The following TTLL7 variants were observed in gnomAD, a reference collection of about 807,000 sequenced individuals.
The protein encoded by TTLL7 is tubulin polyglutamylase TTLL7.
TTLL7 carries 53 observed loss-of-function variants against 120.2 expected under a neutral mutation model. The observed-to-expected ratio is 0.44, with a 90% CI of 0.35 to 0.55. TTLL7 has a LOEUF of 0.55. Among genes scored for constraint, TTLL7 ranks in the 20% least tolerant of loss-of-function variants. The pLI is 0.00. For missense variants in TTLL7, 803 were observed against 1,054.7 expected (o/e 0.76, Z 3.31); for synonymous variants, 353 against 351.7 (o/e 1.00, Z -0.04).
At chr1:83,954,207 A>T (rs1033642265) in intron 1 of TTLL7, among the ~76,000 whole-genome samples, 3 of 152,190 alleles carry the variant, frequency 2.0e-5, no homozygotes, top group African/African-American at 7.2e-5. Context: ...ACTATACTAG[A>T]TTCTAAAAAC....
chr1:83,924,140 G>C (rs1658913304), intron 10 of TTLL7, among the ~76,000 whole-genome samples: 1 of 152,012 alleles, frequency 6.6e-6, no homozygotes, highest in African/African-American at 2.4e-5. Flanking sequence ...AACCAGACAG[G>C]GCCATTACCC....
Position 83,961,261 on chromosome 1 carries a change from G to A in TTLL7, c.-176-8874C>T, listed in dbSNP as rs1381415937. On this transcript the variant is annotated intron_variant, in intron 1 of 20. Coordinates refer to ENST00000260505, the MANE Select transcript of TTLL7 (RefSeq NM_024686.6). ...TTTAAAATAAAAAAATTTCAACTGT[G>A]CTAATTTCTAGAATCAAACAAATTT... is the stretch of plus-strand genomic sequence containing the variant. 5.9e-5 allele frequency among the ~76,000 whole-genome samples: 9 copies of A among 151,974 alleles called. No homozygotes were observed. The East Asian group carries it at 1.7e-3, about 29-fold the overall frequency.
chr1:83,881,155 C>A (rs2100706406), intron 20 of TTLL7, among the ~76,000 whole-genome samples: 1 of 151,600 alleles, frequency 6.6e-6, no homozygotes, highest in East Asian at 1.9e-4. Flanking sequence ...AAAACCTAGG[C>A]AATACCATTC....
intron 10 of TTLL7, among the ~76,000 whole-genome samples, chr1:83,928,322 T>C (rs1371467339): frequency 6.6e-6 from 1 of 152,200 alleles, no homozygotes; most frequent in Non-Finnish European, 1.5e-5. Flanking sequence ...ATTGAAATCA[T>C]AAAATCACTG....
At chr1:83,993,811 A>G (rs1373457333) in intron 1 of TTLL7, among the ~76,000 whole-genome samples, 1 of 152,216 alleles carries the variant, frequency 6.6e-6, no homozygotes, top group Non-Finnish European at 1.5e-5. Flanking sequence ...AACAATTCCA[A>G]TATCTTGGCT....
intron 1 of TTLL7, among the ~76,000 whole-genome samples, chr1:83,989,939 ATT>A (rs201466112): frequency 6.7e-6 from 1 of 150,234 alleles, no homozygotes; most frequent in Non-Finnish European, 1.5e-5. Context: ...GATGTTGGGG[ATT>A]TTTTTTTGTG....
At chr1:83,924,629 T>C (rs1335668358) in intron 10 of TTLL7, among the ~76,000 whole-genome samples, 1 of 152,190 alleles carries the variant, frequency 6.6e-6, no homozygotes, top group Non-Finnish European at 1.5e-5. Context: ...AGGATTAGAC[T>C]TCCAGAGATG....
intron 1 of TTLL7, among the ~76,000 whole-genome samples, chr1:83,953,130 G>T (rs553006332): frequency 6.6e-6 from 1 of 152,282 alleles, no homozygotes; most frequent in Admixed American, 6.5e-5. Context: ...GGCACACAGA[G>T]GAATGCAACA....
intron 1 of TTLL7, among the ~76,000 whole-genome samples, chr1:83,986,471 G>GA (rs1158011141): frequency 1.3e-5 from 2 of 152,130 alleles, no homozygotes; most frequent in Non-Finnish European, 2.9e-5. Flanking sequence ...AAACTTTCTT[G>GA]ACCCCGTAAA....
chr1:83,929,440 C>T (rs1036532414), intron 9 of TTLL7, among the ~76,000 whole-genome samples: 5 of 152,128 alleles, frequency 3.3e-5, no homozygotes, highest in Admixed American at 2.0e-4. Flanking sequence ...GCACCATCTC[C>T]TTCCCAAGGC....
At chr1:83,908,588 T>C (rs1657411069) in intron 15 of TTLL7, among the ~76,000 whole-genome samples, 1 of 151,996 alleles carries the variant, frequency 6.6e-6, no homozygotes, top group African/African-American at 2.4e-5. Context: ...GAACACCTAA[T>C]AAAGAAAACC....
At chr1:83,907,362 G>T in intron 16 of TTLL7, 94 bp downstream of exon 16, 1 of 1,097,090 alleles carries the variant, frequency 9.1e-7, no homozygotes, top group Non-Finnish European at 1.4e-6. Context: ...TTATGGAAAG[G>T]ATCTGAGGTT....
At chr1:83,914,268 A>G (rs759738402) in intron 14 of TTLL7, among the ~76,000 whole-genome samples, 11 of 149,142 alleles carry the variant, frequency 7.4e-5, no homozygotes, top group Non-Finnish European at 1.6e-4. Flanking sequence ...TCATAACTCC[A>G]TATCTTTGCC....
chr1:83,988,097 C>G (rs968966324), intron 1 of TTLL7, among the ~76,000 whole-genome samples: 6 of 152,120 alleles, frequency 3.9e-5, no homozygotes, highest in African/African-American at 1.4e-4. Context: ...CATGAGTACC[C>G]AATGTTTAGC....
At chr1:83,906,529 A>G (rs1374575970) in intron 16 of TTLL7, 66 bp from the exon 17 acceptor site, 1 of 1,601,722 alleles carries the variant, frequency 6.2e-7, no homozygotes, top group Non-Finnish European at 8.5e-7. Context: ...ATAATCTGAA[A>G]GATATTTCTA....
At chr1:83,924,610 C>A (rs1272145848) in intron 10 of TTLL7, among the ~76,000 whole-genome samples, 1 of 152,144 alleles carries the variant, frequency 6.6e-6, no homozygotes, top group Admixed American at 6.5e-5. Flanking sequence ...TACACAGTTT[C>A]ACTTTTGCAG....
intron 1 of TTLL7, among the ~76,000 whole-genome samples, chr1:83,962,380 T>G (rs981648563): frequency 3.9e-5 from 6 of 152,160 alleles, no homozygotes; most frequent in Admixed American, 2.0e-4. Flanking sequence ...GCACACCTTA[T>G]TGCCCTTCTT....
chr1:83,884,033 GGT>G (rs1041243751), intron 19 of TTLL7, among the ~76,000 whole-genome samples: 60 of 151,424 alleles, frequency 4.0e-4, no homozygotes, highest in African/African-American at 1.4e-3. Context: ...TTGTGTGGGG[GGT>G]GTGTGTGTAT....
At chr1:83,889,796 G>A in intron 19 of TTLL7, 1 of 382,310 alleles carries the variant, frequency 2.6e-6, no homozygotes, top group South Asian at 2.0e-5. Context: ...ATAGGATTTG[G>A]CAAATGACTG....
Sources: allele counts gnomAD v4.1 joint callset (sites outside exome capture counted in the v4.1 genomes callset), GRCh38; gene constraint gnomAD v4.1.1; transcripts MANE v1.5; gene names NCBI Gene and HGNC (gene_info 2026-07-23, HGNC 2026-07-21).